Variants in LHCGR observed in about 807,000 individuals in gnomAD.
LHCGR encodes the protein lutropin-choriogonadotropic hormone receptor.
In LHCGR, 55 loss-of-function variants were observed where a neutral mutation model predicts 60.7. The ratio of observed to expected loss-of-function variants is 0.91; its 90% CI spans 0.73 to 1.13. The LOEUF is 1.13. Ranked by LOEUF, LHCGR falls within the 50% of genes most tolerant of loss-of-function variation. LHCGR has a pLI of 0.00. For synonymous variants in LHCGR, 337 were observed against 316.5 expected (o/e 1.06, Z -0.69); for missense variants, 862 against 836.0 (o/e 1.03, Z -0.38).
intron 1 of LHCGR, among the ~76,000 whole-genome samples, chr2:48,732,457 A>G (rs1385689595): frequency 6.6e-6 from 1 of 152,204 alleles, no homozygotes; most frequent in East Asian, 1.9e-4. Context: ...TACAGTTGTA[A>G]GCTACTATGT....
At position 48,687,013 on chromosome 2, in the gene LHCGR, T is replaced by A. The variant is rs1016348154; in HGVS notation, c.*684A>T. 2 of 152,272 alleles carry A rather than the reference T, an allele frequency of 1.3e-5. No homozygotes were observed. Among genetic ancestry groups the A allele is most frequent in the Admixed American group, 1.3e-4 (2 of 15,294 alleles). The allele number at this position is 152,272 out of a possible 1,614,324, so 9.4% of individuals were successfully genotyped here. Reference sequence around the variant, plus strand: ...GTTTCACTAAGCAAATAGGCTGAAATGTGCTTTCAGATGTTTACCTTAAAT... The same window carrying A: ...GTTTCACTAAGCAAATAGGCTGAAAAGTGCTTTCAGATGTTTACCTTAAAT... On this transcript the variant is annotated 3_prime_UTR_variant, in exon 11 of 11. Transcript: ENST00000294954.
At chr2:48,698,029 T>A (rs1033933199) in intron 9 of LHCGR, among the ~76,000 whole-genome samples, 6 of 152,200 alleles carry the variant, frequency 3.9e-5, no homozygotes, top group African/African-American at 1.4e-4. Flanking sequence ...TCTGCCACCG[T>A]GTCCCCCACC....
At chr2:48,732,900 C>T (rs1669060190) in intron 1 of LHCGR, 1 of 534,360 alleles carries the variant, frequency 1.9e-6, no homozygotes, top group South Asian at 1.4e-5. Context: ...AAGGCATTCC[C>T]AAGAAGGACA....
intron 6 of LHCGR, among the ~76,000 whole-genome samples, chr2:48,722,106 C>T (rs533630317): frequency 7.6e-4 from 116 of 152,264 alleles, no homozygotes; most frequent in Non-Finnish European, 1.2e-3. Context: ...GCCAAGATTG[C>T]GCCACTGCAC....
chr2:48,737,601 G>A (rs1157743363), intron 1 of LHCGR, among the ~76,000 whole-genome samples: 2 of 152,184 alleles, frequency 1.3e-5, no homozygotes, highest in African/African-American at 2.4e-5. Flanking sequence ...ACTATTTGGT[G>A]GCTTCATTAC....
chr2:48,727,036 G>A (rs552649383), intron 3 of LHCGR, among the ~76,000 whole-genome samples: 2 of 152,136 alleles, frequency 1.3e-5, no homozygotes, highest in Admixed American at 1.3e-4. Flanking sequence ...TCAGATGTGA[G>A]TGATATTTTG....
chr2:48,702,300 C>T (rs911500510), intron 8 of LHCGR, among the ~76,000 whole-genome samples: 1 of 150,554 alleles, frequency 6.6e-6, no homozygotes, highest in Non-Finnish European at 1.5e-5. Flanking sequence ...TTCTAGGGTA[C>T]ATGTGCAAAA....
intron 8 of LHCGR, among the ~76,000 whole-genome samples, chr2:48,704,744 A>T (rs1054151052): frequency 2.0e-4 from 31 of 152,070 alleles, no homozygotes; most frequent in Non-Finnish European, 3.2e-4. Flanking sequence ...TATCCCCTTT[A>T]TCATTTTTTA....
intron 8 of LHCGR, among the ~76,000 whole-genome samples, chr2:48,704,937 G>T (rs1667589444): frequency 6.6e-6 from 1 of 152,072 alleles, no homozygotes; most frequent in African/African-American, 2.4e-5. Flanking sequence ...GCTAGCTTTT[G>T]AATGTGTTTG....
chr2:48,728,361 G>T (rs1458942132), intron 3 of LHCGR, among the ~76,000 whole-genome samples: 3 of 152,134 alleles, frequency 2.0e-5, no homozygotes, highest in Non-Finnish European at 4.4e-5. Context: ...AAAAATGTTT[G>T]ATGCTAATAC....
chr2:48,738,431 C>G (rs1197971146), intron 1 of LHCGR, among the ~76,000 whole-genome samples: 1 of 152,180 alleles, frequency 6.6e-6, no homozygotes, highest in African/African-American at 2.4e-5. Context: ...TAATTGGTTT[C>G]CTGTCACTCC....
rs111338389 is a variant in LHCGR at position 48,709,290 on chromosome 2, C to T, written c.606-268G>A. Among the ~76,000 whole-genome samples, 902 of 152,248 alleles carry T rather than the reference C, an allele frequency of 5.9e-3. 6 individuals carry two copies. The highest frequency in any genetic ancestry group is 0.019 in the African/African-American group (810 of 41,540). ...GTCCTACAGCTTAAAGTACTCACCC[C>T]CTCCTGTCCTGGAGTTATGAAAGTT... On this transcript the variant is annotated intron_variant, in intron 7 of 10. Transcript: ENST00000294954.
Position 48,722,592 on chromosome 2 carries a change from C to T in LHCGR, c.536+864G>A, listed in dbSNP as rs150603365. Among the ~76,000 whole-genome samples, 157 of 152,194 alleles carry T rather than the reference C, an allele frequency of 1.0e-3. 1 individual carries two copies. Among genetic ancestry groups the T allele is most frequent in the African/African-American group, 3.6e-3 (148 of 41,524 alleles). On this transcript the variant is annotated intron_variant, in intron 6 of 10. Transcript: ENST00000294954. ...TTTAAAAGTGCGTGACATCTCCCTG[C>T]TCTCTCTCTTCCTACTGCTCCTGGC...
At chr2:48,694,393 A>C (rs542441813) in intron 9 of LHCGR, 89 bp from the exon 10 acceptor site, 1 of 795,116 alleles carries the variant, frequency 1.3e-6, no homozygotes, top group South Asian at 1.5e-5. Flanking sequence ...TGTTCATGCA[A>C]ATTCTTTACC....
intron 6 of LHCGR, among the ~76,000 whole-genome samples, chr2:48,716,803 C>T (rs553035672): frequency 4.6e-5 from 7 of 152,216 alleles, no homozygotes; most frequent in African/African-American, 1.2e-4. Context: ...TTCTGAACTT[C>T]CTTAAGTTTG....
chr2:48,729,022 G>T (rs1668866651), intron 3 of LHCGR, 131 bp downstream of exon 3: 3 of 796,898 alleles, frequency 3.8e-6, no homozygotes, highest in Non-Finnish European at 6.6e-6. Flanking sequence ...TGCCTGCCCA[G>T]ACCTAGTAAT....
chr2:48,738,282 T>G (rs1214584275), intron 1 of LHCGR, among the ~76,000 whole-genome samples: 5 of 152,186 alleles, frequency 3.3e-5, no homozygotes, highest in Non-Finnish European at 7.3e-5. Flanking sequence ...GCGTGAACAT[T>G]TCCTCTGTTC....
intron 9 of LHCGR, among the ~76,000 whole-genome samples, chr2:48,695,163 A>G (rs576908499): frequency 2.0e-5 from 3 of 152,144 alleles, no homozygotes; most frequent in South Asian, 4.1e-4. Flanking sequence ...TTGTTGATGC[A>G]TTTAATTTCA....
At chr2:48,749,226 C>G (rs1037424559) in intron 1 of LHCGR, among the ~76,000 whole-genome samples, 1 of 152,208 alleles carries the variant, frequency 6.6e-6, no homozygotes, top group Non-Finnish European at 1.5e-5. Context: ...GTGGTGTCAT[C>G]TTCCAGTGAG....
Sources: allele counts gnomAD v4.1 joint callset (sites outside exome capture counted in the v4.1 genomes callset), GRCh38; gene constraint gnomAD v4.1.1; transcripts MANE v1.5; gene names NCBI Gene and HGNC (gene_info 2026-07-23, HGNC 2026-07-21).